PRKG1: variants seen among roughly 807,000 people sequenced by gnomAD.
PRKG1 encodes cGMP-dependent protein kinase 1.
A neutral mutation model predicts 88.1 loss-of-function variants in PRKG1; 35 were observed. The ratio of observed to expected loss-of-function variants is 0.40; its 90% CI spans 0.30 to 0.53. The LOEUF (loss-of-function observed/expected upper bound fraction) is 0.53, where lower values mean the gene tolerates loss of function less well. Among genes scored for constraint, PRKG1 ranks in the 20% least tolerant of loss-of-function variants. The probability of loss-of-function intolerance (pLI) is 0.59; values close to 1 mark genes in which losing one functional copy is unlikely to be tolerated. For missense variants in PRKG1, 540 were observed against 839.8 expected, an observed-to-expected ratio of 0.64 and a Z score of 4.41; for synonymous variants, 303 against 292.5, an observed-to-expected ratio of 1.04 and a Z score of -0.37.
chr10:52,180,343 G>A (rs1243321757), intron 9 of PRKG1, among the ~76,000 whole-genome samples: 2 of 152,098 alleles, frequency 1.3e-5, no homozygotes, highest in Non-Finnish European at 2.9e-5. Flanking sequence ...TTGTCTATCT[G>A]TAATCTCTTA....
intron 10 of PRKG1, among the ~76,000 whole-genome samples, chr10:52,261,723 A>G (rs934630924): frequency 6.6e-6 from 1 of 152,116 alleles, no homozygotes; most frequent in Non-Finnish European, 1.5e-5. Flanking sequence ...AATAAATCAT[A>G]TGATGTTATT....
chr10:51,032,536 T>A lies in PRKG1; in HGVS notation c.266+40892T>A, dbSNP rs189570668. 1.6e-3 allele frequency among the ~76,000 whole-genome samples: 242 copies of A among 152,116 alleles called. 1 individual carries two copies. The highest frequency in any genetic ancestry group is 5.8e-3 in the African/African-American group (239 of 41,540). On this transcript the variant is annotated intron_variant, in intron 1 of 17. Coordinates refer to the PRKG1 transcript ENST00000401604. ...CACTTTGGGAAGCTGAGGGAGGTGG[T>A]TCACTTAAAGTCAGGAGTTCGAGAC...
intron 3 of PRKG1, among the ~76,000 whole-genome samples, chr10:51,486,071 A>G (rs1186595974): frequency 6.6e-6 from 1 of 152,166 alleles, no homozygotes; most frequent in Non-Finnish European, 1.5e-5. Context: ...TCTTGTAATC[A>G]TTAAGTACAG....
intron 2 of PRKG1, among the ~76,000 whole-genome samples, chr10:51,444,362 A>G (rs139664458): frequency 2.3e-4 from 35 of 151,908 alleles, no homozygotes; most frequent in African/African-American, 7.7e-4. Flanking sequence ...GCCACGGCCT[A>G]AGGCAAAGGT....
At chr10:51,081,383 A>G (rs541207770) in intron 1 of PRKG1, among the ~76,000 whole-genome samples, 6 of 152,226 alleles carry the variant, frequency 3.9e-5, no homozygotes, top group Non-Finnish European at 8.8e-5. Context: ...GCTTGCAAGT[A>G]AGATAGTACT....
intron 3 of PRKG1, among the ~76,000 whole-genome samples, chr10:51,740,498 T>A (rs1177298704): frequency 1.3e-5 from 2 of 152,234 alleles, no homozygotes; most frequent in Non-Finnish European, 2.9e-5. Context: ...GACATTATTT[T>A]ATGCTTTGCA....
intron 3 of PRKG1, among the ~76,000 whole-genome samples, chr10:51,615,507 G>A (rs903871778): frequency 6.6e-6 from 1 of 151,752 alleles, no homozygotes; most frequent in Non-Finnish European, 1.5e-5. Flanking sequence ...TGAATGCTTT[G>A]CTCATTCTTT....
Position 51,736,301 on chromosome 10 carries a change from A to G in PRKG1, c.593-68284A>G, listed in dbSNP as rs115437043. On this transcript the variant is annotated intron_variant, in intron 3 of 17. Transcript: ENST00000373980. ...TATCATTATTATTTTTAAGTAATAGAGATGCTGTCTCAATATGATGCCCAG... is the reference window on the plus strand; with the variant it reads ...TATCATTATTATTTTTAAGTAATAGGGATGCTGTCTCAATATGATGCCCAG... 2.7e-3 allele frequency among the ~76,000 whole-genome samples: 405 copies of G among 152,068 alleles called. 2 individuals are homozygous for G. Among genetic ancestry groups the G allele is most frequent in the African/African-American group, 9.0e-3 (375 of 41,458 alleles).
At chr10:51,223,750 C>T (rs554929502) in intron 2 of PRKG1, among the ~76,000 whole-genome samples, 7 of 152,190 alleles carry the variant, frequency 4.6e-5, no homozygotes, top group African/African-American at 1.7e-4. Flanking sequence ...TTATTCTGCA[C>T]ATATAATTAT....
At chr10:52,026,955 C>A (rs920862922) in intron 5 of PRKG1, among the ~76,000 whole-genome samples, 1 of 151,852 alleles carries the variant, frequency 6.6e-6, no homozygotes, top group Non-Finnish European at 1.5e-5. Flanking sequence ...CCAGCCTGGG[C>A]GACAGAGTAA....
rs1350560534 is a variant in PRKG1, at chr10:51,612,708, A to G, written c.592+144872A>G. 2.0e-5 allele frequency among the ~76,000 whole-genome samples: 3 copies of G among 151,916 alleles called. No homozygotes were observed. The East Asian group carries it at 5.8e-4, about 29-fold the overall frequency. On this transcript the variant is annotated intron_variant, in intron 3 of 17. Coordinates refer to ENST00000373980, the MANE Select transcript of PRKG1 (RefSeq NM_006258.4). The stretch of plus-strand genomic sequence containing the variant: ...TGCATCCTTGTCTTGTTTCAGTTTA[A>G]AAGGAGAGTCTTTCAGATTTTCCCC...
At chr10:51,428,377 A>G (rs190619781) in intron 2 of PRKG1, among the ~76,000 whole-genome samples, 91 of 152,310 alleles carry the variant, frequency 6.0e-4, no homozygotes, top group South Asian at 2.1e-4. Context: ...TTGAATTTTA[A>G]TATCATTTAT....
chr10:51,193,339 A>G (rs1050166321), intron 2 of PRKG1, among the ~76,000 whole-genome samples: 2 of 151,924 alleles, frequency 1.3e-5, no homozygotes, highest in Non-Finnish European at 2.9e-5. Context: ...CCCTATATAC[A>G]CTGATTCAGA....
intron 1 of PRKG1, among the ~76,000 whole-genome samples, chr10:51,125,733 T>A (rs534731511): frequency 8.2e-4 from 120 of 146,438 alleles, no homozygotes; most frequent in African/African-American, 2.8e-3. Context: ...ATATAAATTA[T>A]GTGTTTTTAA....
intron 1 of PRKG1, among the ~76,000 whole-genome samples, chr10:51,050,808 CA>C (rs1843551378): frequency 6.6e-6 from 1 of 151,992 alleles, no homozygotes; most frequent in South Asian, 2.1e-4. Context: ...ACATCCTTGC[CA>C]ATTCTTGTTA....
intron 3 of PRKG1, among the ~76,000 whole-genome samples, chr10:51,783,449 T>C (rs146089200): frequency 1.6e-3 from 243 of 152,092 alleles, no homozygotes; most frequent in Non-Finnish European, 3.0e-3. Context: ...CAGCAAATTT[T>C]TGTGTTTTTA....
At chr10:51,982,576 GACAA>G (rs1230268893) in intron 5 of PRKG1, among the ~76,000 whole-genome samples, 1 of 152,172 alleles carries the variant, frequency 6.6e-6, no homozygotes, top group Non-Finnish European at 1.5e-5. Context: ...TATTTTAGGG[GACAA>G]ACACTCAGCT....
At chr10:52,293,265 A>T (rs537505907) in intron 17 of PRKG1, among the ~76,000 whole-genome samples, 128 of 151,656 alleles carry the variant, frequency 8.4e-4, no homozygotes, top group Non-Finnish European at 1.6e-3. Context: ...TAAAAGAGGA[A>T]ACAAACAAAT....
intron 1 of PRKG1, among the ~76,000 whole-genome samples, chr10:51,010,636 G>T (rs1338766628): frequency 6.6e-6 from 1 of 152,134 alleles, no homozygotes. Flanking sequence ...CTGGAAAAGG[G>T]CTACACAGTA....
Sources: gnomAD v4.1 joint callset for allele counts (sites outside exome capture counted in the v4.1 genomes callset) on GRCh38, gnomAD v4.1.1 for gene constraint, MANE v1.5 for transcripts, NCBI Gene and HGNC (gene_info 2026-07-23, HGNC 2026-07-21) for gene names.